Variants in CAMKK1 observed in about 807,000 individuals in gnomAD.
CAMKK1 encodes calcium/calmodulin dependent protein kinase kinase 1.
A neutral mutation model predicts 63.5 loss-of-function variants in CAMKK1; 20 were observed. The observed-to-expected ratio is 0.32, with a 90% CI of 0.22 to 0.46. The LOEUF is 0.46. Among genes scored for constraint, CAMKK1 ranks in the 20% least tolerant of loss-of-function variants. The probability of loss-of-function intolerance (pLI) is 1.00; values close to 1 mark genes in which losing one functional copy is unlikely to be tolerated. For synonymous variants in CAMKK1, 253 were observed against 269.0 expected (o/e 0.94, Z 0.58); for missense variants, 588 against 658.1 (o/e 0.89, Z 1.17).
chr17:3,880,506 T>C, intron 8 of CAMKK1, 72 bp from the exon 9 acceptor site: 1 of 1,203,060 alleles, frequency 8.3e-7, no homozygotes, highest in Non-Finnish European at 1.2e-6. Context: ...GGTCGGGACG[T>C]CCCGGGAAAC....
intron 12 of CAMKK1, 41 bp from the exon 13 acceptor site, chr17:3,869,929 A>T: frequency 6.7e-7 from 1 of 1,484,222 alleles, no homozygotes; most frequent in Non-Finnish European, 9.4e-7. Context: ...GGGACCGCTG[A>T]TGAGGACCCC....
Position 3,889,704 on chromosome 17 carries a change from C to T in CAMKK1, c.-44+3235G>A, listed in dbSNP as rs900453530. ...ACCTCTGCCCCCAGCTCCAAGATGG[C>T]CTGGCACATATCCCCCACCCAGGTT... is the stretch of plus-strand genomic sequence containing the variant. On this transcript the variant is annotated intron_variant, in intron 1 of 15. Coordinates refer to ENST00000348335, the MANE Select transcript of CAMKK1 (RefSeq NM_032294.3). The surrounding 1 kb of genome is among the most constrained non-coding windows in gnomAD (Gnocchi z 5.2). Among the ~76,000 whole-genome samples the T allele has an allele frequency of 1.3e-5, 2 of 152,112 alleles. No homozygotes were observed. The highest frequency in any genetic ancestry group is 4.8e-5 in the African/African-American group (2 of 41,372).
Position 3,892,461 on chromosome 17 carries a change from T to C in CAMKK1, c.-44+478A>G, listed in dbSNP as rs2055937132. 6.6e-6 allele frequency among the ~76,000 whole-genome samples: 1 copy of C among 151,988 alleles called. No homozygotes were observed. The highest frequency in any genetic ancestry group is 6.5e-5 in the Admixed American group (1 of 15,280). Reference sequence around the variant, plus strand: ...TCTCGCCCCAGCCAAGGCAGGACCCTGCGCAGCCTGAGCCGCGCGCCGCCG... The same window carrying C: ...TCTCGCCCCAGCCAAGGCAGGACCCCGCGCAGCCTGAGCCGCGCGCCGCCG... On this transcript the variant is annotated intron_variant, in intron 1 of 15. Coordinates refer to ENST00000348335, the MANE Select transcript of CAMKK1 (RefSeq NM_032294.3). The surrounding 1 kb of genome is among the most constrained non-coding windows in gnomAD (Gnocchi z 7.5).
At chr17:3,864,561 T>C (rs2054442949) in intron 15 of CAMKK1, among the ~76,000 whole-genome samples, 1 of 152,230 alleles carries the variant, frequency 6.6e-6, no homozygotes. Context: ...GGCATAATTA[T>C]TAATGGCTTC....
In CAMKK1 at chr17:3,869,650, G is replaced by C. The variant is rs202151053; in HGVS notation, c.1213-35C>G. 33 of 1,613,912 alleles carry C rather than the reference G, an allele frequency of 2.0e-5. No individual in the cohort carries two copies. The East Asian group carries it at 2.9e-4, about 14-fold the overall frequency. On this transcript the variant is annotated intron_variant, in intron 13 of 15. Transcript: ENST00000348335. ...CCGGGAGGGCAGGGAGAGGGGGAGA[G>C]GTCAGGCCATTACCAGAATCACCTG...
chr17:3,881,229 G>A (rs1032631366), intron 8 of CAMKK1, among the ~76,000 whole-genome samples: 3 of 152,226 alleles, frequency 2.0e-5, no homozygotes, highest in Admixed American at 2.0e-4. Flanking sequence ...ACAAATGGGA[G>A]CAACTGGAAT....
intron 7 of CAMKK1, 62 bp from the exon 8 acceptor site, chr17:3,881,710 C>T (rs2055417454): frequency 3.4e-6 from 5 of 1,483,382 alleles, no homozygotes; most frequent in African/African-American, 2.8e-5. Flanking sequence ...TGCCAAGGTC[C>T]CTCCCTGTTC....
intron 11 of CAMKK1, 119 bp from the exon 12 acceptor site, chr17:3,872,746 T>C (rs928957132): frequency 4.1e-6 from 3 of 740,400 alleles, no homozygotes; most frequent in Non-Finnish European, 7.2e-6. Flanking sequence ...TCCCATTACA[T>C]GAGAAGGACC....
intron 13 of CAMKK1, 83 bp downstream of exon 13, chr17:3,869,718 T>A: frequency 6.3e-7 from 1 of 1,593,552 alleles, no homozygotes. Flanking sequence ...CACACATGCA[T>A]CCTGGTGTTG....
chr17:3,870,572 A>G (rs1347304687), intron 12 of CAMKK1, among the ~76,000 whole-genome samples: 29 of 151,990 alleles, frequency 1.9e-4, no homozygotes, highest in East Asian at 1.9e-4. Flanking sequence ...TCACCGTGTT[A>G]GCCAGGATGA....
rs559005259 is a variant in CAMKK1, at chr17:3,874,247, A to G, written c.997-785T>C. Reference sequence around the variant, plus strand: ...CCAAGGCCCTCTTCCAGATGAAAGGATACCACAGACAAGAAGGTGAATGCA... The same window carrying G: ...CCAAGGCCCTCTTCCAGATGAAAGGGTACCACAGACAAGAAGGTGAATGCA... On this transcript the variant is annotated intron_variant, in intron 10 of 15. Transcript: ENST00000348335. 1.9e-4 allele frequency among the ~76,000 whole-genome samples: 29 copies of G among 152,278 alleles called. No homozygotes were observed. In the South Asian group the frequency reaches 5.6e-3, roughly 29 times the overall value.
At position 3,885,381 on chromosome 17, in the gene CAMKK1, C is replaced by T. The variant is rs2055599967; in HGVS notation, c.307G>A (p.Ala103Thr). The change falls in exon 2 of 16, where the codon GCC (alanine) becomes ACC (threonine). Residue 103 changes from alanine (A) to threonine (T), a missense_variant. Transcript: ENST00000348335. ...TGPASHISPR[A>T]WRRPTIESHH... is the part of the protein sequence containing the mutation. The stretch of plus-strand genomic sequence containing the variant: ...GACTCGATGGTGGGCCTCCGCCAGG[C>T]CCGGGGGGAGATGTGGCTGGCAGGC... 1 of 1,610,916 alleles carries T rather than the reference C, an allele frequency of 6.2e-7. No individual in the cohort carries two copies.
At chr17:3,867,731 A>G (rs989355744) in intron 14 of CAMKK1, among the ~76,000 whole-genome samples, 4 of 152,086 alleles carry the variant, frequency 2.6e-5, no homozygotes, top group African/African-American at 9.7e-5. Context: ...GATAAAGTGC[A>G]AGGCCAGGCC....
intron 15 of CAMKK1, among the ~76,000 whole-genome samples, chr17:3,863,658 T>G (rs1287388157): frequency 6.6e-6 from 1 of 152,124 alleles, no homozygotes; most frequent in Non-Finnish European, 1.5e-5. Context: ...GGCAAATGGC[T>G]TGAGGCCAGG....
Position 3,862,401 on chromosome 17 carries a change from C to A in CAMKK1, c.1446-118G>T. 1.1e-6 allele frequency: 1 copy of A among 886,954 alleles called. No individual in the cohort carries two copies. The allele number at this position is 886,954 out of a possible 1,614,324, so 54.9% of individuals were successfully genotyped here. A position where few individuals can be genotyped will look rare whatever the true frequency, so the allele number is the denominator to read the frequency against. On this transcript the variant is annotated intron_variant, in intron 15 of 15. Coordinates refer to ENST00000348335, the MANE Select transcript of CAMKK1 (RefSeq NM_032294.3). This position sits in a 1 kb window ranked among gnomAD's most constrained non-coding sequence, Gnocchi z 4.1. ...CACATCTCTCAAAGCCCCCTTCACC[C>A]ACTGCCCCAAGCTTGGCCTCCCTCT...
At chr17:3,886,223 C>G (rs1382901663) in intron 1 of CAMKK1, among the ~76,000 whole-genome samples, 4 of 152,214 alleles carry the variant, frequency 2.6e-5, no homozygotes, top group South Asian at 2.1e-4. Context: ...CCCGCCTCCT[C>G]CAGGGAGCCC....
intron 12 of CAMKK1, among the ~76,000 whole-genome samples, chr17:3,872,283 G>A (rs1567619815): frequency 6.6e-6 from 1 of 152,212 alleles, no homozygotes; most frequent in South Asian, 2.1e-4. Context: ...ACCCCAGGCA[G>A]GCCTGCGGTG....
chr17:3,865,451 C>T, intron 15 of CAMKK1: 1 of 998,300 alleles, frequency 1.0e-6, no homozygotes, highest in Non-Finnish European at 1.2e-6. Flanking sequence ...GTCCCCAGGG[C>T]CAGGCAGAGG....
rs773153845 is a variant in CAMKK1, at chr17:3,885,406, C to T, written c.282G>A (p.Gly94=). The change falls in exon 2 of 16, where the codon GGG becomes GGA. Residue 94 remains glycine (G), a synonymous_variant. Coordinates refer to ENST00000348335, the MANE Select transcript of CAMKK1 (RefSeq NM_032294.3). ...LEAQAGPYAT[G]PASHISPRAW... is the part of the protein sequence containing the mutation. Reference sequence around the variant, plus strand: ...CCCGGGGGGAGATGTGGCTGGCAGGCCCCGTGGCATAAGGCCCAGCCTGCG... The same window carrying T: ...CCCGGGGGGAGATGTGGCTGGCAGGTCCCGTGGCATAAGGCCCAGCCTGCG... 15 of 1,611,580 alleles carry T rather than the reference C, an allele frequency of 9.3e-6. No homozygotes were observed. The highest frequency in any genetic ancestry group is 1.2e-5 in the Non-Finnish European group (14 of 1,179,542).
Sources: gnomAD v4.1 joint callset for allele counts (sites outside exome capture counted in the v4.1 genomes callset) on GRCh38, gnomAD v4.1.1 for gene constraint, Gnocchi (gnomAD v3.1) non-coding constraint, MANE v1.5 for transcripts, NCBI Gene and HGNC (gene_info 2026-07-23, HGNC 2026-07-21) for gene names.